Variants in MEF2C observed in about 807,000 individuals in gnomAD.
MEF2C encodes the protein myocyte enhancer factor 2C, also known as myocyte-specific enhancer factor 2C.
In MEF2C, 6 loss-of-function variants were observed where a neutral mutation model predicts 50.5. The observed-to-expected ratio is 0.12, with a 90% CI of 0.07 to 0.23. MEF2C has a LOEUF of 0.23. Ranked by LOEUF, MEF2C falls within the 10% of genes least tolerant of loss-of-function variation. MEF2C has a pLI of 1.00. For synonymous variants in MEF2C, 183 were observed against 228.0 expected (o/e 0.80, Z 1.78); for missense variants, 276 against 605.0 (o/e 0.46, Z 5.70).
At chr5:88,852,739 C>CA (rs1821846014) in intron 1 of MEF2C, among the ~76,000 whole-genome samples, 1 of 151,696 alleles carries the variant, frequency 6.6e-6, no homozygotes, top group African/African-American at 2.4e-5. Flanking sequence ...ACTAAAAACA[C>CA]AAATACTAAA....
intron 3 of MEF2C, among the ~76,000 whole-genome samples, chr5:88,798,376 T>C (rs1441437067): frequency 6.6e-6 from 1 of 152,100 alleles, no homozygotes; most frequent in African/African-American, 2.4e-5. Context: ...TCATGCTTTA[T>C]TTCATTAAAT....
At chr5:88,735,605 T>C (rs920012350) in intron 6 of MEF2C, 23 of 978,136 alleles carry the variant, frequency 2.4e-5, no homozygotes, top group Non-Finnish European at 2.8e-5. Flanking sequence ...TTAACTTACA[T>C]AAAGGATTAG....
chr5:88,896,114 A>G (rs1259785242), intron 1 of MEF2C, among the ~76,000 whole-genome samples: 1 of 152,184 alleles, frequency 6.6e-6, no homozygotes, highest in East Asian at 1.9e-4. Context: ...CCCTTACTTG[A>G]GGAAGCAATT....
intron 1 of MEF2C, among the ~76,000 whole-genome samples, chr5:88,894,152 A>G (rs1416046765): frequency 1.3e-5 from 2 of 152,196 alleles, no homozygotes; most frequent in Non-Finnish European, 2.9e-5. Context: ...CTTTTATTCA[A>G]AGAACAACCT....
At chr5:88,818,214 C>A (rs1418413496) in intron 2 of MEF2C, among the ~76,000 whole-genome samples, 1 of 151,828 alleles carries the variant, frequency 6.6e-6, no homozygotes, top group South Asian at 2.1e-4. Flanking sequence ...TGAATACGTA[C>A]AATTATTTGT....
intron 10 of MEF2C, among the ~76,000 whole-genome samples, chr5:88,726,415 A>C (rs962738120): frequency 2.0e-5 from 3 of 152,200 alleles, no homozygotes; most frequent in African/African-American, 4.8e-5. Flanking sequence ...TTTTAAAAAA[A>C]CAGTTTAACA....
intron 1 of MEF2C, among the ~76,000 whole-genome samples, chr5:88,843,065 G>T (rs774550534): frequency 5.3e-5 from 8 of 152,070 alleles, no homozygotes; most frequent in Non-Finnish European, 7.4e-5. Context: ...TACTGATTGG[G>T]AGCTACAAAA....
intron 6 of MEF2C, among the ~76,000 whole-genome samples, chr5:88,747,333 CTTTTTTTTTTTTTT>C (rs950842424): frequency 2.3e-4 from 5 of 21,744 alleles, no homozygotes; most frequent in Admixed American, 6.7e-4. Context: ...TTTTTTACTA[CTTTTTTTTTTTTTT>C]TTTTTTTTTT....
intron 1 of MEF2C, chr5:88,892,101 G>A (rs1438425953): frequency 1.3e-5 from 2 of 151,998 alleles, no homozygotes; most frequent in Non-Finnish European, 2.9e-5. Flanking sequence ...ATTTGCGTGT[G>A]GTTCAGCATT....
At chr5:88,777,720 C>T (rs1204032966) in intron 3 of MEF2C, among the ~76,000 whole-genome samples, 1 of 151,918 alleles carries the variant, frequency 6.6e-6, no homozygotes, top group Non-Finnish European at 1.5e-5. Flanking sequence ...AAATGTTTTT[C>T]CTACTATTTT....
At chr5:88,770,121 A>G in intron 3 of MEF2C, 3 of 476,732 alleles carry the variant, frequency 6.3e-6, no homozygotes, top group Non-Finnish European at 5.5e-6. Flanking sequence ...GTAAATTAAT[A>G]TAAGATCAGA....
At chr5:88,875,977 G>T (rs1035879466) in intron 1 of MEF2C, among the ~76,000 whole-genome samples, 194 of 149,828 alleles carry the variant, frequency 1.3e-3, no homozygotes, top group African/African-American at 4.4e-3. Context: ...ATGTTACAAA[G>T]AATTAAAAGA....
At chr5:88,795,009 T>C (rs1290828101) in intron 3 of MEF2C, among the ~76,000 whole-genome samples, 1 of 152,196 alleles carries the variant, frequency 6.6e-6, no homozygotes, top group Non-Finnish European at 1.5e-5. Flanking sequence ...TGTATAACTG[T>C]TTTGGTACCA....
At chr5:88,748,009 T>C (rs1488904865) in intron 6 of MEF2C, 3 of 965,026 alleles carry the variant, frequency 3.1e-6, no homozygotes, top group African/African-American at 1.8e-5. Context: ...ATATATAAAA[T>C]AGGAAGCTAG....
chr5:88,780,207 T>A (rs755372070), intron 3 of MEF2C, among the ~76,000 whole-genome samples: 1 of 152,020 alleles, frequency 6.6e-6, no homozygotes, highest in Admixed American at 6.6e-5. Context: ...TTAATATAAA[T>A]AAAATCTCTT....
intron 2 of MEF2C, among the ~76,000 whole-genome samples, chr5:88,808,201 A>C (rs1263953749): frequency 1.3e-5 from 2 of 152,200 alleles, no homozygotes; most frequent in African/African-American, 4.8e-5. Context: ...TTTTGATATG[A>C]AAATGTACCT....
At position 88,840,024 on chromosome 5, in the gene MEF2C, G is replaced by A. The variant is rs193209006; in HGVS notation, c.-142-16094C>T. Among the ~76,000 whole-genome samples, 72 of 152,260 alleles carry A rather than the reference G, an allele frequency of 4.7e-4. No homozygotes were observed. In the East Asian group the frequency reaches 0.013, roughly 28 times the overall value. On this transcript the variant is annotated intron_variant, in intron 1 of 10. Transcript: ENST00000504921. The stretch of plus-strand genomic sequence containing the variant: ...TATTTTCCATTCATCTAAGGTAAGA[G>A]TAGAAACACCGGATATTAATATTGG...
At chr5:88,755,863 A>G (rs1402176705) in intron 4 of MEF2C, among the ~76,000 whole-genome samples, 2 of 152,224 alleles carry the variant, frequency 1.3e-5, no homozygotes, top group Non-Finnish European at 2.9e-5. Flanking sequence ...ATTATTAATA[A>G]TTATGTAATG....
chr5:88,782,622 T>A (rs752475102), intron 3 of MEF2C, among the ~76,000 whole-genome samples: 1 of 152,238 alleles, frequency 6.6e-6, no homozygotes, highest in Non-Finnish European at 1.5e-5. Context: ...ACTAAAATTA[T>A]ATGAATATTT....
Sources: allele counts gnomAD v4.1 joint callset (sites outside exome capture counted in the v4.1 genomes callset), GRCh38; gene constraint gnomAD v4.1.1; transcripts MANE v1.5; gene names NCBI Gene and HGNC (gene_info 2026-07-23, HGNC 2026-07-21).